The following DOK6 variants were observed in gnomAD, a reference collection of about 807,000 sequenced individuals.
DOK6 encodes docking protein 6, also known as downstream of tyrosine kinase 6.
Under a neutral mutation model 44.0 loss-of-function variants are expected in DOK6, and 22 were observed. The ratio of observed to expected loss-of-function variants is 0.50; its 90% CI spans 0.36 to 0.71. DOK6 has a LOEUF of 0.71. Among genes scored for constraint, DOK6 ranks in the 30% least tolerant of loss-of-function variants. DOK6 has a pLI of 0.00. For missense variants in DOK6, 340 were observed against 416.4 expected (o/e 0.82, Z 1.60); for synonymous variants, 166 against 145.5 (o/e 1.14, Z -1.01).
intron 1 of DOK6, among the ~76,000 whole-genome samples, chr18:69,466,906 T>C (rs535764549): frequency 6.6e-6 from 1 of 152,312 alleles, no homozygotes; most frequent in East Asian, 1.9e-4. Flanking sequence ...AAGTTACTTT[T>C]ATATTGATAC....
At chr18:69,720,623 A>T (rs1284256905) in intron 5 of DOK6, among the ~76,000 whole-genome samples, 3 of 152,152 alleles carry the variant, frequency 2.0e-5, no homozygotes, top group Non-Finnish European at 4.4e-5. Flanking sequence ...ATGCTGACTC[A>T]ATCCTTTTAT....
intron 6 of DOK6, among the ~76,000 whole-genome samples, chr18:69,751,063 A>T (rs1450124006): frequency 6.6e-6 from 1 of 152,238 alleles, no homozygotes; most frequent in African/African-American, 2.4e-5. Flanking sequence ...CAATCAACTC[A>T]TAAAAGTAGA....
chr18:69,613,754 A>G (rs1333405434), intron 3 of DOK6, among the ~76,000 whole-genome samples: 3 of 151,860 alleles, frequency 2.0e-5, no homozygotes, highest in Admixed American at 6.6e-5. Flanking sequence ...AGTCTGAATT[A>G]CCTGTTTAAT....
chr18:69,808,794 T>C (rs1273289125), intron 7 of DOK6, among the ~76,000 whole-genome samples: 1 of 151,780 alleles, frequency 6.6e-6, no homozygotes, highest in Non-Finnish European at 1.5e-5. Flanking sequence ...GAATCAGTAA[T>C]AAAAGTCTCC....
chr18:69,656,651 A>G (rs1250011692), intron 3 of DOK6, among the ~76,000 whole-genome samples: 1 of 152,262 alleles, frequency 6.6e-6, no homozygotes, highest in Admixed American at 6.5e-5. Flanking sequence ...TAAGAATTTA[A>G]AAACAACAGA....
intron 5 of DOK6, among the ~76,000 whole-genome samples, chr18:69,714,192 C>T (rs1315592391): frequency 3.3e-5 from 5 of 152,156 alleles, no homozygotes; most frequent in Non-Finnish European, 5.9e-5. Flanking sequence ...GGTAAACAGA[C>T]GTACAGCTTC....
intron 1 of DOK6, among the ~76,000 whole-genome samples, chr18:69,466,481 G>T (rs1979930542): frequency 6.6e-6 from 1 of 152,072 alleles, no homozygotes. Context: ...ATATGAGAGT[G>T]CAGAGTTATC....
chr18:69,686,948 C>T (rs570359994), intron 4 of DOK6, among the ~76,000 whole-genome samples: 10 of 152,206 alleles, frequency 6.6e-5, no homozygotes, highest in Admixed American at 6.5e-4. Flanking sequence ...AATACATAAA[C>T]TTTAGTTCCA....
intron 1 of DOK6, chr18:69,470,270 C>T (rs1160280006): frequency 6.6e-6 from 1 of 152,242 alleles, no homozygotes; most frequent in African/African-American, 2.4e-5. Flanking sequence ...TTCATTCACC[C>T]TTGCTGACCT....
intron 1 of DOK6, among the ~76,000 whole-genome samples, chr18:69,564,051 T>G (rs879505120): frequency 6.6e-6 from 1 of 152,184 alleles, no homozygotes. Flanking sequence ...GAACATCTGT[T>G]TTTAAAAATC....
chr18:69,688,553 C>T (rs1470758053), intron 4 of DOK6, among the ~76,000 whole-genome samples: 1 of 152,222 alleles, frequency 6.6e-6, no homozygotes, highest in Non-Finnish European at 1.5e-5. Context: ...GTCAGAGTCT[C>T]GCTCTATTGC....
intron 3 of DOK6, among the ~76,000 whole-genome samples, chr18:69,634,399 A>G (rs999137850): frequency 6.6e-6 from 1 of 152,202 alleles, no homozygotes; most frequent in African/African-American, 2.4e-5. Flanking sequence ...GCTTTTTGCC[A>G]TGTTAAAAAA....
At chr18:69,710,059 G>A (rs1440722919) in intron 5 of DOK6, among the ~76,000 whole-genome samples, 1 of 152,132 alleles carries the variant, frequency 6.6e-6, no homozygotes, top group Non-Finnish European at 1.5e-5. Flanking sequence ...TGCACCTTTA[G>A]TCCCAGCTAC....
At chr18:69,488,889 C>T (rs538412010) in intron 1 of DOK6, among the ~76,000 whole-genome samples, 2 of 152,278 alleles carry the variant, frequency 1.3e-5, no homozygotes, top group African/African-American at 4.8e-5. Context: ...TCACTGCTAC[C>T]TGTACTACTA....
At chr18:69,480,459 C>G (rs1308022008) in intron 1 of DOK6, among the ~76,000 whole-genome samples, 1 of 152,048 alleles carries the variant, frequency 6.6e-6, no homozygotes, top group Non-Finnish European at 1.5e-5. Context: ...AATGAGGTGT[C>G]TAATGTGTCT....
chr18:69,673,224 CTG>C (rs1256045588), intron 3 of DOK6, among the ~76,000 whole-genome samples: 1 of 119,150 alleles, frequency 8.4e-6, no homozygotes. Flanking sequence ...AGCATATTTT[CTG>C]TGTGTATATA....
chr18:69,665,800 T>A (rs955578752), intron 3 of DOK6, among the ~76,000 whole-genome samples: 1 of 151,074 alleles, frequency 6.6e-6, no homozygotes, highest in Non-Finnish European at 1.5e-5. Context: ...CCCACAGTTT[T>A]GATTTTTTTT....
intron 3 of DOK6, among the ~76,000 whole-genome samples, chr18:69,642,324 TTTTTATTTTA>T (rs565530201): frequency 6.6e-4 from 101 of 152,278 alleles, no homozygotes; most frequent in African/African-American, 2.4e-3. Flanking sequence ...CCTATAGCGA[TTTTTATTTTA>T]TTTTATTTTA....
At chr18:69,560,200 G>GT (rs1568296586) in intron 1 of DOK6, among the ~76,000 whole-genome samples, 1 of 152,144 alleles carries the variant, frequency 6.6e-6, no homozygotes, top group East Asian at 1.9e-4. Flanking sequence ...AAGTGGAAGT[G>GT]TTTAATGAAT....
Sources: allele counts gnomAD v4.1 joint callset (sites outside exome capture counted in the v4.1 genomes callset), GRCh38; gene constraint gnomAD v4.1.1; transcripts MANE v1.5; gene names NCBI Gene and HGNC (gene_info 2026-07-23, HGNC 2026-07-21).